Variants in OSBPL6 observed in about 807,000 individuals in gnomAD.
The protein encoded by OSBPL6 is oxysterol-binding protein-related protein 6.
OSBPL6 carries 49 observed loss-of-function variants against 125.8 expected under a neutral mutation model. That is an observed-to-expected ratio of 0.39 (90% CI 0.31 to 0.49). OSBPL6 has a LOEUF of 0.49. Among genes scored for constraint, OSBPL6 ranks in the 20% least tolerant of loss-of-function variants. The pLI, the probability that OSBPL6 is intolerant of heterozygous loss-of-function variation, is 0.88. For synonymous variants in OSBPL6, 394 were observed against 391.8 expected (o/e 1.01, Z -0.07); for missense variants, 986 against 1,135.4 (o/e 0.87, Z 1.89).
At chr2:178,252,284 G>A (rs2154003849) in intron 1 of OSBPL6, among the ~76,000 whole-genome samples, 3 of 152,218 alleles carry the variant, frequency 2.0e-5, no homozygotes, top group Admixed American at 2.0e-4. Flanking sequence ...TCTGTAAAGG[G>A]CCAGGTTATA....
In OSBPL6 at chr2:178,397,984, AT is replaced by A. The variant is rs1178865486; in HGVS notation, c.*2427del. 1.3e-5 allele frequency: 2 copies of A among 152,214 alleles called. No individual in the cohort carries two copies. Among genetic ancestry groups the A allele is most frequent in the Non-Finnish European group, 2.9e-5 (2 of 68,036 alleles). The allele number at this position is 152,214 out of a possible 1,614,324, so 9.4% of individuals were successfully genotyped here. A position where few individuals can be genotyped will look rare whatever the true frequency, so the allele number is the denominator to read the frequency against. ...CTTTTGGGATTCAGATAGTCTGATTATTCCAATTCAAGTGTTCAGTTAAGTT... is the reference window on the plus strand; with the variant it reads ...CTTTTGGGATTCAGATAGTCTGATTATCCAATTCAAGTGTTCAGTTAAGTT... On this transcript the variant is annotated 3_prime_UTR_variant, in exon 25 of 25. Transcript: ENST00000190611.
chr2:178,249,527 GGATT>G (rs1312944551), intron 1 of OSBPL6, among the ~76,000 whole-genome samples: 1 of 152,094 alleles, frequency 6.6e-6, no homozygotes, highest in Non-Finnish European at 1.5e-5. Context: ...TGACTCTTAA[GGATT>G]GATTGTCATT....
intron 2 of OSBPL6, among the ~76,000 whole-genome samples, chr2:178,288,450 G>T (rs1313979358): frequency 2.6e-5 from 4 of 152,094 alleles, no homozygotes; most frequent in Non-Finnish European, 4.4e-5. Context: ...ATCACAATCT[G>T]GTTTGTGAGG....
intron 15 of OSBPL6, among the ~76,000 whole-genome samples, chr2:178,378,767 G>A (rs1694129204): frequency 6.6e-6 from 1 of 152,182 alleles, no homozygotes; most frequent in African/African-American, 2.4e-5. Context: ...CTGCACACAT[G>A]TGACATGTAT....
At chr2:178,239,359 G>A (rs900453418) in intron 1 of OSBPL6, among the ~76,000 whole-genome samples, 3 of 152,042 alleles carry the variant, frequency 2.0e-5, no homozygotes, top group African/African-American at 7.2e-5. Context: ...AGGAGTTCAA[G>A]ACCAAGCCTG....
intron 9 of OSBPL6, among the ~76,000 whole-genome samples, chr2:178,337,312 C>G (rs1222298073): frequency 6.6e-6 from 1 of 151,944 alleles, no homozygotes; most frequent in African/African-American, 2.4e-5. Flanking sequence ...TGTGTTCTCA[C>G]TTAAAAAAAT....
chr2:178,317,437 C>CACATATATAT (rs1687842729), intron 3 of OSBPL6, among the ~76,000 whole-genome samples: 1 of 106,986 alleles, frequency 9.3e-6, no homozygotes, highest in Non-Finnish European at 1.8e-5. Context: ...ACTTAGACAC[C>CACATATATAT]ATATATATAT....
chr2:178,335,468 C>T (rs979637392), intron 8 of OSBPL6, among the ~76,000 whole-genome samples: 1 of 152,082 alleles, frequency 6.6e-6, no homozygotes, highest in African/African-American at 2.4e-5. Flanking sequence ...CTTTGCCTGT[C>T]TTCTACATAT....
intron 1 of OSBPL6, among the ~76,000 whole-genome samples, chr2:178,225,755 C>G (rs868760863): frequency 1.3e-5 from 2 of 152,142 alleles, no homozygotes; most frequent in African/African-American, 2.4e-5. Context: ...GAGAAACTCC[C>G]GTTTTTAAAA....
intron 1 of OSBPL6, among the ~76,000 whole-genome samples, chr2:178,206,596 G>T (rs182353354): frequency 0.012 from 1,770 of 151,324 alleles, 34 homozygotes; most frequent in African/African-American, 0.042. Context: ...TTTCTTACAG[G>T]AGGTTTTTTT....
At chr2:178,215,753 G>T (rs76220940) in intron 1 of OSBPL6, among the ~76,000 whole-genome samples, 1 of 152,136 alleles carries the variant, frequency 6.6e-6, no homozygotes, top group Admixed American at 6.6e-5. Flanking sequence ...AAGAGGCTGG[G>T]TTCTAGCACT....
chr2:178,380,456 CAAAAAAAAAAAA>C (rs60399092), intron 15 of OSBPL6, among the ~76,000 whole-genome samples: 11 of 25,988 alleles, frequency 4.2e-4, no homozygotes, highest in East Asian at 1.5e-3. Context: ...GAGTCTGTCT[CAAAAAAAAAAAA>C]AAAAAAAAAA....
intron 3 of OSBPL6, chr2:178,320,414 C>T (rs755278325): frequency 8.1e-6 from 13 of 1,612,308 alleles, no homozygotes; most frequent in Non-Finnish European, 1.1e-5. Context: ...TAAGTACTTC[C>T]ACCTTCTCTG....
chr2:178,339,163 A>G lies in OSBPL6; in HGVS notation c.894+69A>G, dbSNP rs537528118. 20 of 895,982 alleles carry G rather than the reference A, an allele frequency of 2.2e-5. No individual in the cohort carries two copies. In the South Asian group the frequency reaches 2.3e-4, roughly 10 times the overall value. The allele number at this position is 895,982 out of a possible 1,614,324, so 55.5% of individuals were successfully genotyped here. ...TTAATACTCTTTATTGGGTTGTTCT[A>G]TGAATATATAAGGTAACATTTAAAG... On this transcript the variant is annotated intron_variant, in intron 10 of 24. Coordinates refer to ENST00000190611, the MANE Select transcript of OSBPL6 (RefSeq NM_032523.4).
At chr2:178,328,031 T>G (rs1461130027) in intron 4 of OSBPL6, among the ~76,000 whole-genome samples, 2 of 152,318 alleles carry the variant, frequency 1.3e-5, no homozygotes, top group East Asian at 3.9e-4. Context: ...CCACTGAGTC[T>G]CTGATGGACC....
At chr2:178,247,160 C>T (rs565049263) in intron 1 of OSBPL6, among the ~76,000 whole-genome samples, 1 of 152,210 alleles carries the variant, frequency 6.6e-6, no homozygotes, top group South Asian at 2.1e-4. Context: ...CTCTTGGGCA[C>T]CTTATAACTT....
At chr2:178,368,917 C>G (rs1299070022) in intron 13 of OSBPL6, among the ~76,000 whole-genome samples, 1 of 151,962 alleles carries the variant, frequency 6.6e-6, no homozygotes, top group African/African-American at 2.4e-5. Flanking sequence ...CTACCTCAGC[C>G]TCCTGAGTAG....
chr2:178,235,568 G>A (rs1245090896), intron 1 of OSBPL6, among the ~76,000 whole-genome samples: 1 of 151,514 alleles, frequency 6.6e-6, no homozygotes, highest in African/African-American at 2.4e-5. Flanking sequence ...CACTACGCCC[G>A]GCTAATTTTT....
At chr2:178,348,854 A>G (rs1398849633) in intron 11 of OSBPL6, among the ~76,000 whole-genome samples, 1 of 152,222 alleles carries the variant, frequency 6.6e-6, no homozygotes, top group Non-Finnish European at 1.5e-5. Flanking sequence ...GATAGTCCAG[A>G]CTGTAAGAGA....
Sources: allele counts gnomAD v4.1 joint callset (sites outside exome capture counted in the v4.1 genomes callset), GRCh38; gene constraint gnomAD v4.1.1; transcripts MANE v1.5; gene names NCBI Gene and HGNC (gene_info 2026-07-23, HGNC 2026-07-21).